NCAM1: variants seen among roughly 807,000 people sequenced by gnomAD.
NCAM1 encodes antigen recognized by monoclonal antibody 5.1H11.
A neutral mutation model predicts 109.8 loss-of-function variants in NCAM1; 14 were observed. That is an observed-to-expected ratio of 0.13 (90% CI 0.08 to 0.20). The LOEUF is 0.20. Ranked by LOEUF, NCAM1 falls within the 10% of genes least tolerant of loss-of-function variation. The pLI is 1.00. For synonymous variants in NCAM1, 418 were observed against 442.9 expected, an observed-to-expected ratio of 0.94 and a Z score of 0.70; for missense variants, 774 against 1,109.9, an observed-to-expected ratio of 0.70 and a Z score of 4.30.
intron 1 of NCAM1, among the ~76,000 whole-genome samples, chr11:112,989,926 C>T (rs1555070337): frequency 6.6e-6 from 1 of 152,184 alleles, no homozygotes. Context: ...TTAAAAAGAA[C>T]TGAGACTTAA....
At chr11:113,197,867 C>T (rs1943903084) in intron 1 of NCAM1, among the ~76,000 whole-genome samples, 1 of 152,180 alleles carries the variant, frequency 6.6e-6, no homozygotes, top group African/African-American at 2.4e-5. Context: ...TTCTGATAAG[C>T]ACCTGAGCAT....
intron 1 of NCAM1, among the ~76,000 whole-genome samples, chr11:112,988,922 A>G (rs1951388730): frequency 6.6e-6 from 1 of 151,730 alleles, no homozygotes; most frequent in Non-Finnish European, 1.5e-5. Flanking sequence ...CAATTTTTAT[A>G]TTTTTAGTAG....
intron 1 of NCAM1, among the ~76,000 whole-genome samples, chr11:113,167,672 T>C (rs962600775): frequency 5.7e-4 from 87 of 152,230 alleles, no homozygotes; most frequent in African/African-American, 1.9e-3. Context: ...AGGCTCCCTG[T>C]GGGGAGAAGT....
intron 1 of NCAM1, among the ~76,000 whole-genome samples, chr11:112,966,239 A>G (rs184316029): frequency 3.9e-5 from 6 of 152,368 alleles, no homozygotes; most frequent in Admixed American, 3.9e-4. Context: ...GCTGTATAAA[A>G]TGAAGTCATT....
intron 1 of NCAM1, among the ~76,000 whole-genome samples, chr11:112,972,214 C>A (rs1892980): frequency 1 from 152,253 of 152,264 alleles, 76,121 homozygotes; most frequent in Middle Eastern, 1. Context: ...TGTGTGTTCC[C>A]TGTTTGGGAG....
chr11:113,259,241 C>T (rs965321783), intron 16 of NCAM1, among the ~76,000 whole-genome samples: 6 of 151,444 alleles, frequency 4.0e-5, no homozygotes, highest in African/African-American at 9.7e-5. Flanking sequence ...TTAGTAGAGA[C>T]GGGGTTTCAC....
intron 9 of NCAM1, among the ~76,000 whole-genome samples, chr11:113,228,603 A>G (rs1417312041): frequency 9.1e-4 from 138 of 152,292 alleles, no homozygotes; most frequent in African/African-American, 3.2e-3. Flanking sequence ...ATATGGAACC[A>G]AAAAAGAGCC....
rs149340946 is a variant in NCAM1 at position 113,090,586 on chromosome 11, C to T, written c.53-111793C>T. On this transcript the variant is annotated intron_variant, in intron 1 of 19. Coordinates refer to ENST00000316851, the MANE Select transcript of NCAM1 (RefSeq NM_181351.5). ...CGCATCACCACATCAGCTGAAAAAA[C>T]ATTTGGGGAAAGTCAGGTCTGCATG... is the stretch of plus-strand genomic sequence containing the variant. Among the ~76,000 whole-genome samples the T allele has an allele frequency of 9.9e-3, 1,505 of 152,248 alleles. 25 individuals are homozygous for T. Among genetic ancestry groups the T allele is most frequent in the South Asian group, 0.046 (220 of 4,812 alleles).
intron 1 of NCAM1, among the ~76,000 whole-genome samples, chr11:113,054,372 G>T (rs910065618): frequency 1.3e-5 from 2 of 152,202 alleles, no homozygotes; most frequent in South Asian, 2.1e-4. Context: ...TATAATAAAA[G>T]TCCCACCCTC....
chr11:113,004,854 A>T, intron 1 of NCAM1, among the ~76,000 whole-genome samples: 1 of 149,728 alleles, frequency 6.7e-6, no homozygotes. Context: ...CCTCTTCTCT[A>T]ATTTTTAAAA....
intron 1 of NCAM1, among the ~76,000 whole-genome samples, chr11:113,142,508 G>C (rs1363954935): frequency 6.6e-6 from 1 of 152,122 alleles, no homozygotes; most frequent in African/African-American, 2.4e-5. Flanking sequence ...CACTGCCTAG[G>C]GGACAGGTAC....
intron 1 of NCAM1, among the ~76,000 whole-genome samples, chr11:113,177,315 C>G (rs1279391894): frequency 2.0e-5 from 3 of 152,170 alleles, no homozygotes; most frequent in Non-Finnish European, 1.5e-5. Flanking sequence ...GATGCTGCTG[C>G]TGCCATCCTA....
At chr11:113,271,253 C>T (rs1407350384) in intron 18 of NCAM1, among the ~76,000 whole-genome samples, 6 of 151,460 alleles carry the variant, frequency 4.0e-5, no homozygotes, top group Admixed American at 1.3e-4. Flanking sequence ...TCCTGTAATC[C>T]CAGCTATTCA....
intron 1 of NCAM1, among the ~76,000 whole-genome samples, chr11:113,201,176 C>G (rs577840690): frequency 4.8e-4 from 73 of 152,248 alleles, no homozygotes; most frequent in Non-Finnish European, 9.1e-4. Flanking sequence ...CACCCCCTTC[C>G]CAGCCCCAAG....
chr11:113,250,724 C>T (rs931952818), intron 15 of NCAM1, among the ~76,000 whole-genome samples: 6 of 152,188 alleles, frequency 3.9e-5, no homozygotes, highest in African/African-American at 1.2e-4. Context: ...CGCTCAGACA[C>T]CTGAAACTTT....
chr11:113,071,910 C>T (rs782340565), intron 1 of NCAM1, among the ~76,000 whole-genome samples: 5 of 152,054 alleles, frequency 3.3e-5, no homozygotes, highest in Non-Finnish European at 7.4e-5. Context: ...TTTAGGAGGC[C>T]GAAGCAGGTG....
chr11:112,962,164 T>G lies in NCAM1; in HGVS notation c.52+500T>G, dbSNP rs545915163. 1.1e-3 allele frequency among the ~76,000 whole-genome samples: 169 copies of G among 152,198 alleles called. No individual in the cohort carries two copies. Among genetic ancestry groups the G allele is most frequent in the African/African-American group, 3.8e-3 (158 of 41,548 alleles). ...CGTTATATTCCTGGGTCTAATAAAGTCAGGATCGCTGCTTTGCTTCCCCCG... is the reference window on the plus strand; with the variant it reads ...CGTTATATTCCTGGGTCTAATAAAGGCAGGATCGCTGCTTTGCTTCCCCCG... On this transcript the variant is annotated intron_variant, in intron 1 of 19. Transcript: ENST00000316851. This position sits in a 1 kb window ranked among gnomAD's most constrained non-coding sequence, Gnocchi z 5.6.
chr11:113,240,957 G>C, intron 14 of NCAM1: 1 of 987,346 alleles, frequency 1.0e-6, no homozygotes. Flanking sequence ...AGCAGCGTCG[G>C]GTTTTAGAGG....
chr11:113,019,638 A>C (rs1221407539), intron 1 of NCAM1, among the ~76,000 whole-genome samples: 10 of 152,208 alleles, frequency 6.6e-5, no homozygotes, highest in Admixed American at 6.5e-4. Flanking sequence ...GATACCACTA[A>C]TAACATATGT....
Sources: allele counts gnomAD v4.1 joint callset (sites outside exome capture counted in the v4.1 genomes callset), GRCh38; gene constraint gnomAD v4.1.1; non-coding constraint Gnocchi (gnomAD v3.1); transcripts MANE v1.5; gene names NCBI Gene and HGNC (gene_info 2026-07-23, HGNC 2026-07-21).